The following MARK2 variants were observed in gnomAD, a reference collection of about 807,000 sequenced individuals.
MARK2 encodes the protein serine/threonine-protein kinase MARK2.
Under a neutral mutation model 89.8 loss-of-function variants are expected in MARK2, and 16 were observed. That is an observed-to-expected ratio of 0.18 (90% CI 0.12 to 0.27). The LOEUF (loss-of-function observed/expected upper bound fraction) is 0.27, where lower values mean the gene tolerates loss of function less well. Among genes scored for constraint, MARK2 ranks in the 10% least tolerant of loss-of-function variants. MARK2 has a pLI of 1.00. For missense variants in MARK2, 621 were observed against 1,049.9 expected (o/e 0.59, Z 5.65); for synonymous variants, 382 against 399.5 (o/e 0.96, Z 0.52).
At chr11:63,888,378 G>A (rs1939531784) in intron 1 of MARK2, 1 of 238,066 alleles carries the variant, frequency 4.2e-6, no homozygotes, top group African/African-American at 2.3e-5. Context: ...ACCTGCCACA[G>A]GTGAGCTAGG....
At chr11:63,867,082 A>G (rs1440218466) in intron 1 of MARK2, among the ~76,000 whole-genome samples, 1 of 152,194 alleles carries the variant, frequency 6.6e-6, no homozygotes, top group Non-Finnish European at 1.5e-5. Context: ...GCTGGAGTGC[A>G]GTGGCATGAT....
intron 1 of MARK2, 24 bp from the exon 2 acceptor site, chr11:63,895,134 TG>T (rs763578559): frequency 6.2e-7 from 1 of 1,601,502 alleles, no homozygotes; most frequent in South Asian, 1.1e-5. Context: ...TGGCATGTAA[TG>T]GTATCTCTGT....
intron 1 of MARK2, chr11:63,888,550 C>A: frequency 9.5e-7 from 1 of 1,050,776 alleles, no homozygotes; most frequent in Non-Finnish European, 1.2e-6. Context: ...TGTCTCCCTT[C>A]CTGCCCTATT....
chr11:63,890,410 G>T, intron 1 of MARK2: 2 of 457,978 alleles, frequency 4.4e-6, no homozygotes, highest in South Asian at 1.8e-5. Context: ...AGTGCTTGTT[G>T]CTTCTCTGGC....
chr11:63,903,908 C>G lies in MARK2; in HGVS notation c.1515-78C>G. On this transcript the variant is annotated intron_variant, in intron 14 of 18. Transcript: ENST00000402010. The surrounding 1 kb of genome is among the most constrained non-coding windows in gnomAD (Gnocchi z 5.1). ...GAGCTCCCCAGCTCTGGCCCTTCCC[C>G]TGCCCTTGCTTCCTAATCCAGGCCT... The G allele has an allele frequency of 1.5e-6, 2 of 1,310,690 alleles. No homozygotes were observed. The highest frequency in any genetic ancestry group is 2.1e-6 in the Non-Finnish European group (2 of 954,724). 81.2% of individuals were successfully genotyped at this position (1,310,690 alleles called of 1,614,324 possible).
intron 1 of MARK2, among the ~76,000 whole-genome samples, chr11:63,886,055 G>C (rs1399264120): frequency 1.3e-5 from 2 of 151,784 alleles, no homozygotes; most frequent in African/African-American, 4.8e-5. Flanking sequence ...CTTGAACCCG[G>C]GAAGCAGAGG....
intron 1 of MARK2, among the ~76,000 whole-genome samples, chr11:63,889,125 G>A (rs1177400182): frequency 6.6e-6 from 1 of 152,122 alleles, no homozygotes; most frequent in African/African-American, 2.4e-5. Context: ...GCATTGACTA[G>A]GAAAGGAAGA....
intron 1 of MARK2, among the ~76,000 whole-genome samples, chr11:63,874,995 G>A (rs925745855): frequency 1.3e-5 from 2 of 152,130 alleles, no homozygotes; most frequent in African/African-American, 4.8e-5. Flanking sequence ...CTGTCGCCCA[G>A]GCTGGAGTGC....
chr11:63,909,333 GGT>G lies in MARK2; in HGVS notation c.*101_*102del. On this transcript the variant is annotated 3_prime_UTR_variant, in exon 19 of 19. Coordinates refer to ENST00000402010, the MANE Select transcript of MARK2 (RefSeq NM_001039469.3). Reference sequence around the variant, plus strand: ...CTGGGCGAGACTGCAGCGATGGATTGGTGTGTCTCCCCTGCTGGCACTTCTCC... The same window carrying G: ...CTGGGCGAGACTGCAGCGATGGATTGGTGTCTCCCCTGCTGGCACTTCTCC... The G allele has an allele frequency of 3.8e-6, 5 of 1,306,464 alleles. No homozygotes were observed. The highest frequency in any genetic ancestry group is 5.1e-6 in the Non-Finnish European group (5 of 976,990). 80.9% of individuals were successfully genotyped at this position (1,306,464 alleles called of 1,614,324 possible). A position where few individuals can be genotyped will look rare whatever the true frequency, so the allele number is the denominator to read the frequency against.
chr11:63,906,065 CTTTTT>C lies in MARK2; in HGVS notation c.1935-19_1935-15del. ...TTTTTTATTTCTTTTTTTATTTTGT[CTTTTT>C]TTTGTTTGTTTTTTTAGAAATCTGT... On this transcript the variant is annotated intron_variant, in intron 16 of 18. Transcript: ENST00000402010. 3 of 1,333,386 alleles carry C rather than the reference CTTTTT, an allele frequency of 2.2e-6. No individual in the cohort carries two copies. The highest frequency in any genetic ancestry group is 2.9e-6 in the Non-Finnish European group (3 of 1,036,036). 82.6% of individuals were successfully genotyped at this position (1,333,386 alleles called of 1,614,324 possible). A position where few individuals can be genotyped will look rare whatever the true frequency, so the allele number is the denominator to read the frequency against.
chr11:63,889,957 G>C (rs1248622128), intron 1 of MARK2, among the ~76,000 whole-genome samples: 1 of 152,166 alleles, frequency 6.6e-6, no homozygotes, highest in Non-Finnish European at 1.5e-5. Context: ...CTTTTGCCAG[G>C]TCCTATTGAG....
At chr11:63,898,718 A>T in intron 5 of MARK2, 45 bp downstream of exon 5, 1 of 1,611,272 alleles carries the variant, frequency 6.2e-7, no homozygotes, top group Non-Finnish European at 8.5e-7. Context: ...CACTTCTTCC[A>T]CCTCCAGCCA....
rs758758147 is a variant in MARK2, at chr11:63,908,291, G to A, written c.1993G>A (p.Val665Met). ...GAATGAACCTGAAAGCAAAGACCGA[G>A]TGGAGACGCTCAGGTGAGAGGGCTG... ...NLNEPESKDR[V>M]ETLRPHVVGS... The change falls in exon 18 of 19, where the codon GTG (valine) becomes ATG (methionine). Residue 665 changes from valine to methionine, a missense_variant. By Grantham distance (21) the Val-to-Met change is conservative (BLOSUM62 1). Coordinates refer to ENST00000402010, the MANE Select transcript of MARK2 (RefSeq NM_001039469.3). The A allele has an allele frequency of 3.2e-6, 5 of 1,564,556 alleles. No homozygotes were observed. In the East Asian group the frequency reaches 1.2e-4, roughly 37 times the overall value.
Position 63,842,844 on chromosome 11 carries a change from C to T in MARK2, c.54+3284C>T, listed in dbSNP as rs561719840. ...GTCTCTTTTCTTGCTCTTCCTCTCC[C>T]TCTTCTTTAAAAATGTGGCTGATGA... On this transcript the variant is annotated intron_variant, in intron 1 of 18. Transcript: ENST00000402010. Among the ~76,000 whole-genome samples, 9 of 152,234 alleles carry T rather than the reference C, an allele frequency of 5.9e-5. No individual in the cohort carries two copies. The East Asian group carries it at 9.6e-4, about 16-fold the overall frequency.
At chr11:63,855,176 C>T (rs1021628556) in intron 1 of MARK2, among the ~76,000 whole-genome samples, 1 of 151,978 alleles carries the variant, frequency 6.6e-6, no homozygotes, top group Non-Finnish European at 1.5e-5. Flanking sequence ...CTGCACAATT[C>T]AGTGAAGAAA....
chr11:63,883,323 C>G (rs570680680), intron 1 of MARK2, among the ~76,000 whole-genome samples: 29 of 152,244 alleles, frequency 1.9e-4, no homozygotes, highest in Non-Finnish European at 3.1e-4. Context: ...AGAGGGTCCT[C>G]TTTGCCTGAT....
intron 1 of MARK2, 26 bp from the exon 2 acceptor site, chr11:63,895,133 A>G (rs1485378431): frequency 1.2e-6 from 2 of 1,600,748 alleles, no homozygotes; most frequent in Non-Finnish European, 8.5e-7. Flanking sequence ...GTGGCATGTA[A>G]TGGTATCTCT....
At chr11:63,840,825 C>T in intron 1 of MARK2, among the ~76,000 whole-genome samples, 1 of 152,102 alleles carries the variant, frequency 6.6e-6, no homozygotes, top group Admixed American at 6.5e-5. Context: ...TGAGCTACAC[C>T]TCAGCCTCAC....
At chr11:63,844,693 A>G (rs2016191377) in intron 1 of MARK2, among the ~76,000 whole-genome samples, 1 of 152,304 alleles carries the variant, frequency 6.6e-6, no homozygotes, top group Non-Finnish European at 1.5e-5. Context: ...GAGGTAGGAA[A>G]AGATTGAGAC....
Sources: allele counts gnomAD v4.1 joint callset (sites outside exome capture counted in the v4.1 genomes callset), GRCh38; gene constraint gnomAD v4.1.1; non-coding constraint Gnocchi (gnomAD v3.1); transcripts MANE v1.5; gene names NCBI Gene and HGNC (gene_info 2026-07-23, HGNC 2026-07-21).